The following DMD variants were observed in gnomAD, a reference collection of about 807,000 sequenced individuals.
The protein encoded by DMD is dystrophin, also known as mutant dystrophin.
In DMD, 63 loss-of-function variants were observed where a neutral mutation model predicts 330.1. The ratio of observed to expected loss-of-function variants is 0.19; its 90% CI spans 0.16 to 0.24. The LOEUF is 0.24. DMD is among the 10% of genes least tolerant of loss of function. The pLI, the probability that DMD is intolerant of heterozygous loss-of-function variation, is 1.00. For missense variants in DMD, 3,344 were observed against 2,684.1 expected, an observed-to-expected ratio of 1.25 and a Z score of -5.43; for synonymous variants, 1,223 against 959.8, an observed-to-expected ratio of 1.27 and a Z score of -5.07.
chrX:31,656,975 G>C (rs2080820597), intron 54 of DMD, among the ~76,000 whole-genome samples: 1 of 111,458 alleles, frequency 9.0e-6, no homozygotes. Flanking sequence ...GTCTAGCTCA[G>C]TTTCAAAATT....
chrX:31,407,647 AT>A (rs67528413), intron 60 of DMD, among the ~76,000 whole-genome samples: 35,716 of 92,864 alleles, frequency 0.38, 6,644 homozygotes, highest in African/African-American at 0.67. Flanking sequence ...AATTTTTTGT[AT>A]TTTTTTTTTT....
chrX:32,466,727 A>G (rs943562320), intron 23 of DMD, among the ~76,000 whole-genome samples: 2 of 111,309 alleles, frequency 1.8e-5, no homozygotes, highest in Admixed American at 1.9e-4. Flanking sequence ...ATGATGTTAC[A>G]CTGCTGACTT....
intron 4 of DMD, among the ~76,000 whole-genome samples, chrX:32,834,116 G>C (rs1484302572): frequency 2.7e-5 from 3 of 111,366 alleles, no homozygotes; most frequent in African/African-American, 9.7e-5. Context: ...ATGATAAAGT[G>C]AGTCAAAGTC....
rs182835443 is a variant in DMD at position 32,172,188 on chromosome X, C to T, written c.6438+44728G>A. 7.2e-5 allele frequency among the ~76,000 whole-genome samples: 8 copies of T among 111,507 alleles called. No individual in the cohort carries two copies. In the East Asian group the frequency reaches 1.4e-3, roughly 20 times the overall value. On this transcript the variant is annotated intron_variant, in intron 44 of 78. Coordinates refer to ENST00000357033, the MANE Select transcript of DMD (RefSeq NM_004006.3). ...AGCGACAACAAAACGGTCAAATTTGCCTGAATGATTGGTCAGCTTTGTTCA... is the reference window on the plus strand; with the variant it reads ...AGCGACAACAAAACGGTCAAATTTGTCTGAATGATTGGTCAGCTTTGTTCA...
chrX:33,221,224 T>A (rs772844968), intron 1 of DMD, among the ~76,000 whole-genome samples: 1 of 111,409 alleles, frequency 9.0e-6, no homozygotes, highest in South Asian at 3.8e-4. Flanking sequence ...GCTAACAACT[T>A]CAGGTCCCTG....
chrX:32,856,871 C>A (rs1353369320), intron 2 of DMD, among the ~76,000 whole-genome samples: 1 of 111,135 alleles, frequency 9.0e-6, no homozygotes, highest in African/African-American at 3.3e-5. Flanking sequence ...GTCAGGAGAT[C>A]GAGACCATCC....
At chrX:31,753,228 T>C (rs760209382) in intron 51 of DMD, among the ~76,000 whole-genome samples, 6 of 111,970 alleles carry the variant, frequency 5.4e-5, no homozygotes, top group Non-Finnish European at 1.1e-4. Flanking sequence ...ATAACTGATA[T>C]AGACAATTAC....
intron 30 of DMD, among the ~76,000 whole-genome samples, chrX:32,394,015 A>C (rs1301413259): frequency 8.9e-6 from 1 of 111,888 alleles, no homozygotes; most frequent in Non-Finnish European, 1.9e-5. Flanking sequence ...AAATAGTTTA[A>C]ATTACTTTTG....
At chrX:32,199,518 C>A (rs1157130784) in intron 44 of DMD, among the ~76,000 whole-genome samples, 2 of 109,734 alleles carry the variant, frequency 1.8e-5, no homozygotes, top group Non-Finnish European at 3.8e-5. Flanking sequence ...ACATTTTTCC[C>A]CTTGCAAATT....
At chrX:33,297,881 C>T in intron 1 of DMD, among the ~76,000 whole-genome samples, 1 of 110,276 alleles carries the variant, frequency 9.1e-6, no homozygotes, top group Middle Eastern at 4.7e-3. Context: ...ATCTAACGTA[C>T]AGCATGGTAA....
At chrX:32,479,536 T>A (rs1236582944) in intron 21 of DMD, among the ~76,000 whole-genome samples, 2 of 110,499 alleles carry the variant, frequency 1.8e-5, no homozygotes, top group African/African-American at 6.6e-5. Context: ...ATACAGTATT[T>A]GTCTTTCTTT....
intron 1 of DMD, among the ~76,000 whole-genome samples, chrX:33,081,577 C>T (rs2094930573): frequency 8.9e-6 from 1 of 112,379 alleles, no homozygotes; most frequent in South Asian, 3.7e-4. Context: ...GCACGAGCCA[C>T]GGCACCCGGC....
chrX:32,622,009 G>C (rs2058032403), intron 11 of DMD, among the ~76,000 whole-genome samples: 1 of 111,458 alleles, frequency 9.0e-6, no homozygotes, highest in Non-Finnish European at 1.9e-5. Flanking sequence ...TACTGCTCTA[G>C]GTAACTTTAT....
At chrX:32,025,744 G>T (rs1490693271) in intron 44 of DMD, among the ~76,000 whole-genome samples, 1 of 111,501 alleles carries the variant, frequency 9.0e-6, no homozygotes, top group Non-Finnish European at 1.9e-5. Flanking sequence ...GAGAAGTGTG[G>T]CACAGTAGGA....
chrX:32,914,140 C>A (rs772451126), intron 2 of DMD, among the ~76,000 whole-genome samples: 1 of 111,271 alleles, frequency 9.0e-6, no homozygotes, highest in Non-Finnish European at 1.9e-5. Context: ...GATGCTTAGT[C>A]CCCCCATCAA....
Position 31,180,029 on chromosome X carries a change from C to T in DMD, c.10086+341G>A, listed in dbSNP as rs139377176. On this transcript the variant is annotated intron_variant, in intron 69 of 78. Coordinates refer to ENST00000357033, the MANE Select transcript of DMD (RefSeq NM_004006.3). ...GGGGAACCTAGAACCATCCCCCATA[C>T]TCAACATGCCTCATGGCCATAAGAT... Among the ~76,000 whole-genome samples, 1,376 of 111,880 alleles carry T rather than the reference C, an allele frequency of 0.012. 29 individuals are homozygous for T. Among genetic ancestry groups the T allele is most frequent in the African/African-American group, 0.043 (1,316 of 30,790 alleles).
chrX:32,712,630 T>A (rs748791831), intron 7 of DMD, among the ~76,000 whole-genome samples: 10 of 111,336 alleles, frequency 9.0e-5, no homozygotes, highest in African/African-American at 2.9e-4. Flanking sequence ...CAAGTGAATG[T>A]CCTGACCATA....
chrX:31,575,905 T>A (rs2076074469), intron 55 of DMD, among the ~76,000 whole-genome samples: 1 of 112,244 alleles, frequency 8.9e-6, no homozygotes, highest in African/African-American at 3.2e-5. Context: ...TAAGTCTAGA[T>A]CAGAAATATA....
At chrX:32,828,230 G>T (rs1329874602) in intron 4 of DMD, among the ~76,000 whole-genome samples, 1 of 110,790 alleles carries the variant, frequency 9.0e-6, no homozygotes. Flanking sequence ...TATTCCTTTG[G>T]GTATATACCA....
Sources: allele counts gnomAD v4.1 joint callset (sites outside exome capture counted in the v4.1 genomes callset), GRCh38; gene constraint gnomAD v4.1.1; transcripts MANE v1.5; gene names NCBI Gene and HGNC (gene_info 2026-07-23, HGNC 2026-07-21).